Variants in SEMA4A observed in about 807,000 individuals in gnomAD.
SEMA4A encodes the protein semaphorin-4A.
A neutral mutation model predicts 72.5 loss-of-function variants in SEMA4A; 52 were observed. The ratio of observed to expected loss-of-function variants is 0.72; its 90% confidence interval spans 0.57 to 0.90. The LOEUF (loss-of-function observed/expected upper bound fraction) is 0.90, where lower values mean the gene tolerates loss of function less well. Ranked by LOEUF, SEMA4A falls within the 40% of genes least tolerant of loss-of-function variation. SEMA4A has a pLI of 0.00. For missense variants in SEMA4A, 926 were observed against 959.7 expected, an observed-to-expected ratio of 0.96 and a Z score of 0.46; for synonymous variants, 369 against 393.1, an observed-to-expected ratio of 0.94 and a Z score of 0.73.
chr1:156,152,639 C>T (rs1379614054), upstream of SEMA4A, among the ~76,000 whole-genome samples: 1 of 152,036 alleles, frequency 6.6e-6, no homozygotes, highest in Non-Finnish European at 1.5e-5. Flanking sequence ...CCCGGGGAAA[C>T]TGAGAGAGAT....
chr1:156,172,787 A>G, intron 10 of SEMA4A, 39 bp from the exon 11 acceptor site: 1 of 1,593,872 alleles, frequency 6.3e-7, no homozygotes, highest in Non-Finnish European at 8.6e-7. Flanking sequence ...GCTGAGGGGA[A>G]GGGGCAAACC....
chr1:156,161,945 G>A (rs1192649773), intron 9 of SEMA4A, among the ~76,000 whole-genome samples: 1 of 152,170 alleles, frequency 6.6e-6, no homozygotes, highest in East Asian at 1.9e-4. Flanking sequence ...GGCAAACAGG[G>A]AAACGCTATC....
intron 2 of SEMA4A, chr1:156,154,938 C>T: frequency 1.6e-6 from 1 of 617,010 alleles, no homozygotes; most frequent in Non-Finnish European, 2.7e-6. Flanking sequence ...TTGAGGAAAA[C>T]AGGTGGCCAC....
chr1:156,165,907 CTT>C (rs71080751), intron 10 of SEMA4A, among the ~76,000 whole-genome samples: 2 of 112,944 alleles, frequency 1.8e-5, no homozygotes. Flanking sequence ...TTCCTATCTT[CTT>C]TTTTTTTTTT....
At chr1:156,161,572 G>T in intron 9 of SEMA4A, 54 bp downstream of exon 9, 1 of 1,597,592 alleles carries the variant, frequency 6.3e-7, no homozygotes. Flanking sequence ...ACGCCAGTGA[G>T]GCCCCAGCTC....
rs34408918 is a variant in SEMA4A at position 156,163,720 on chromosome 1, C to CAA, written c.1134+654_1134+655dup. On this transcript the variant is annotated intron_variant, in intron 10 of 14. Coordinates refer to ENST00000368285, the MANE Select transcript of SEMA4A (RefSeq NM_022367.4). ...TGGGTGAAAGAGTGAGACTCAGTCT[C>CAA]AAAAAAAAAAAAAAAAAAAAAAAAA... is the stretch of plus-strand genomic sequence containing the variant. Among the ~76,000 whole-genome samples, 172 of 17,736 alleles carry CAA rather than the reference C, an allele frequency of 9.7e-3. 23 individuals carry two copies. The highest frequency in any genetic ancestry group is 0.011 in the Admixed American group (14 of 1,230). 11.6% of individuals were successfully genotyped at this position (17,736 alleles called of 152,430 possible). A position where few individuals can be genotyped will look rare whatever the true frequency, so the allele number is the denominator to read the frequency against.
In SEMA4A at chr1:156,154,622, G is replaced by A. The variant is rs1652835825; in HGVS notation, c.44G>A (p.Gly15Asp). The change falls in exon 2 of 15, where the codon GGC (glycine) becomes GAC (aspartate). Residue 15 changes from glycine (G) to aspartate (D), a missense_variant. Physicochemically the swap from Gly to Asp is moderately conservative, Grantham distance 94. Coordinates refer to ENST00000368285, the MANE Select transcript of SEMA4A (RefSeq NM_022367.4). ...GGCCTGGACCCCTGGAGCCTCCTGG[G>A]CCTTTTCCTCTTCCAACTGCTTCAG... ...ALGLDPWSLL[G>D]LFLFQLLQLL... is the part of the protein sequence containing the mutation. 6.2e-7 allele frequency: 1 copy of A among 1,610,494 alleles called. No homozygotes were observed. The highest frequency in any genetic ancestry group is 8.5e-7 in the Non-Finnish European group (1 of 1,179,018).
At chr1:156,162,349 A>C (rs976735172) in intron 9 of SEMA4A, among the ~76,000 whole-genome samples, 7 of 152,238 alleles carry the variant, frequency 4.6e-5, no homozygotes, top group Non-Finnish European at 8.8e-5. Context: ...GTCTGGCCCC[A>C]CAGTGTTTAG....
At chr1:156,151,779 T>C (rs1652551681), upstream of SEMA4A, among the ~76,000 whole-genome samples, 1 of 133,342 alleles carries the variant, frequency 7.5e-6, no homozygotes, top group Non-Finnish European at 1.5e-5. Context: ...GAGGTTGCAG[T>C]GAGCCGAGAT....
upstream of SEMA4A, among the ~76,000 whole-genome samples, chr1:156,147,881 G>A (rs1652224701): frequency 1.3e-5 from 2 of 152,216 alleles, no homozygotes; most frequent in Non-Finnish European, 2.9e-5. Context: ...GCAAACAGGA[G>A]GTCTGGGTGT....
At chr1:156,175,526 G>A (rs757495098) in intron 13 of SEMA4A, 30 bp from the exon 14 acceptor site, 2 of 1,563,618 alleles carry the variant, frequency 1.3e-6, no homozygotes, top group South Asian at 2.3e-5. Context: ...CTCTTTTGAA[G>A]GATAATTTTT....
chr1:156,171,518 A>G (rs1002299060), intron 10 of SEMA4A, among the ~76,000 whole-genome samples: 7 of 152,204 alleles, frequency 4.6e-5, no homozygotes, highest in African/African-American at 1.4e-4. Flanking sequence ...TTGAGCACCA[A>G]CTGTGTGCCA....
At chr1:156,151,122 C>T (rs909580196), upstream of SEMA4A, among the ~76,000 whole-genome samples, 1 of 152,226 alleles carries the variant, frequency 6.6e-6, no homozygotes, top group Non-Finnish European at 1.5e-5. Flanking sequence ...CCCTGAGCTT[C>T]TTTGATGCTG....
chr1:156,164,701 G>A lies in SEMA4A; in HGVS notation c.1134+1607G>A, dbSNP rs2102973707. On this transcript the variant is annotated intron_variant, in intron 10 of 14. Coordinates refer to ENST00000368285, the MANE Select transcript of SEMA4A (RefSeq NM_022367.4). ...TATTCACAGCCTAGCCAGGCAGTAAGCCATGATTACTTTTCCTTTTTGCAT... is the reference window on the plus strand; with the variant it reads ...TATTCACAGCCTAGCCAGGCAGTAAACCATGATTACTTTTCCTTTTTGCAT... Among the ~76,000 whole-genome samples the A allele has an allele frequency of 2.0e-5, 3 of 152,264 alleles. 1 individual carries two copies. The highest frequency in any genetic ancestry group is 6.8e-3 in the Middle Eastern group (2 of 294).
rs772819214 is a variant in SEMA4A, at chr1:156,176,845, G to A, written c.2134G>A (p.Ala712Thr). 3.1e-6 allele frequency: 5 copies of A among 1,614,114 alleles called. No individual in the cohort carries two copies. The South Asian group carries it at 5.5e-5, about 18-fold the overall frequency. ...GGCCTCCCCATTGAGAGCACTCCGG[G>A]CTCGGGGCAAGGTTCAGGGCTGTGA... The part of the protein sequence containing the change: ...LVASPLRALR[A>T]RGKVQGCETL... The change falls in exon 15 of 15, where the codon GCT becomes ACT. Residue 712 changes from alanine to threonine, a missense_variant. Ala to Thr is a moderately conservative substitution (Grantham distance 58). Coordinates refer to ENST00000368285, the MANE Select transcript of SEMA4A (RefSeq NM_022367.4).
chr1:156,163,344 C>T (rs938987963), intron 10 of SEMA4A: 1 of 528,342 alleles, frequency 1.9e-6, no homozygotes, highest in African/African-American at 1.9e-5. Flanking sequence ...CTGGGTATAT[C>T]ACTATGGAAA....
Position 156,169,950 on chromosome 1 carries a change from G to A in SEMA4A, c.1135-2876G>A, listed in dbSNP as rs1414564991. 2.6e-5 allele frequency among the ~76,000 whole-genome samples: 4 copies of A among 151,450 alleles called. No individual in the cohort carries two copies. The East Asian group carries it at 8.0e-4, about 30-fold the overall frequency. ...TGAGGCACGAGAATTGCTTGAAACCGGGAAGTGGAGGTTGCAGTGAGCCGA... is the reference window on the plus strand; with the variant it reads ...TGAGGCACGAGAATTGCTTGAAACCAGGAAGTGGAGGTTGCAGTGAGCCGA... On this transcript the variant is annotated intron_variant, in intron 10 of 14. Coordinates refer to ENST00000368285, the MANE Select transcript of SEMA4A (RefSeq NM_022367.4).
At position 156,175,216 on chromosome 1, in the gene SEMA4A, C is replaced by A; in HGVS notation, c.1565C>A (p.Thr522Asn). The change falls in exon 13 of 15, where the codon ACC becomes AAC. Residue 522 changes from threonine (T) to asparagine (N), a missense_variant. By Grantham distance (65) the Thr-to-Asn change is moderately conservative (BLOSUM62 0). Transcript: ENST00000368285. ...PHCAWDPESR[T>N]CCLLSAPNLN... ...TGTGCCTGGGACCCTGAGTCCCGAA[C>A]CTGTTGCCTCCTGTCTGCCCCCAAC... 1 of 1,613,320 alleles carries A rather than the reference C, an allele frequency of 6.2e-7. No individual in the cohort carries two copies. Among genetic ancestry groups the A allele is most frequent in the African/African-American group, 1.3e-5 (1 of 75,016 alleles).
rs1572423677 is a variant in SEMA4A, at chr1:156,172,879, C to T, written c.1188C>T (p.Phe396=). 1 of 1,614,190 alleles carries T rather than the reference C, an allele frequency of 6.2e-7. No individual in the cohort carries two copies. Among genetic ancestry groups the T allele is most frequent in the Middle Eastern group, 1.6e-4 (1 of 6,062 alleles). The part of the protein sequence containing the change: ...DKALTFMKDH[F]LMDEQVVGTP... ...CCCTGACCTTCATGAAGGACCATTTCCTGATGGATGAGCAAGTGGTGGGGA... is the reference window on the plus strand; with the variant it reads ...CCCTGACCTTCATGAAGGACCATTTTCTGATGGATGAGCAAGTGGTGGGGA... The change falls in exon 11 of 15, where the codon TTC becomes TTT. Residue 396 remains phenylalanine (F), a synonymous_variant. Transcript: ENST00000368285.
Sources: gnomAD v4.1 joint callset for allele counts (sites outside exome capture counted in the v4.1 genomes callset) on GRCh38, gnomAD v4.1.1 for gene constraint, MANE v1.5 for transcripts, NCBI Gene and HGNC (gene_info 2026-07-23, HGNC 2026-07-21) for gene names.